CNTNAP3: variants seen among roughly 807,000 people sequenced by gnomAD.
CNTNAP3 encodes the protein contactin associated protein family member 3, also known as contactin-associated protein-like 3.
Under a neutral mutation model 92.1 loss-of-function variants are expected in CNTNAP3, and 36 were observed. The observed-to-expected ratio is 0.39, with a 90% CI of 0.30 to 0.52. CNTNAP3 has a LOEUF of 0.52. Among genes scored for constraint, CNTNAP3 ranks in the 20% least tolerant of loss-of-function variants. CNTNAP3 has a pLI of 0.76. For missense variants in CNTNAP3, 534 were observed against 1,069.6 expected, an observed-to-expected ratio of 0.50 and a Z score of 6.98; for synonymous variants, 232 against 422.3, an observed-to-expected ratio of 0.55 and a Z score of 5.53.
At chr9:39,118,326 C>T in intron 13 of CNTNAP3, 67 bp from the exon 14 acceptor site, 1 of 1,600,768 alleles carries the variant, frequency 6.2e-7, no homozygotes, top group Non-Finnish European at 8.5e-7. Context: ...CCATATAGCT[C>T]CCTTTACTCC....
chr9:39,085,452 A>AC (rs1489986494), intron 21 of CNTNAP3: 1 of 428,524 alleles, frequency 2.3e-6, no homozygotes, highest in African/African-American at 2.1e-5. Context: ...ACAACATTTC[A>AC]CTTTTCAAGA....
At chr9:39,114,713 C>T (rs1444484156) in intron 14 of CNTNAP3, among the ~76,000 whole-genome samples, 1 of 151,996 alleles carries the variant, frequency 6.6e-6, no homozygotes, top group East Asian at 1.9e-4. Flanking sequence ...ATTATTTGTA[C>T]ACTTGTATGC....
intron 10 of CNTNAP3, among the ~76,000 whole-genome samples, chr9:39,149,587 A>G (rs1821790771): frequency 6.6e-6 from 1 of 150,574 alleles, no homozygotes; most frequent in Non-Finnish European, 1.5e-5. Flanking sequence ...TGATCTCCTG[A>G]TCTCGTGATC....
In CNTNAP3 at chr9:39,089,828, T is replaced by A. The variant is rs559883228; in HGVS notation, c.2996-1181A>T. Among the ~76,000 whole-genome samples the A allele has an allele frequency of 2.6e-5, 4 of 152,346 alleles. No homozygotes were observed. In the South Asian group the frequency reaches 6.2e-4, roughly 24 times the overall value. Reference sequence around the variant, plus strand: ...GCTAATGTTGCCAACTATTTTTTCATGATTTTATTGGACATTCACACATAT... The same window carrying A: ...GCTAATGTTGCCAACTATTTTTTCAAGATTTTATTGGACATTCACACATAT... On this transcript the variant is annotated intron_variant, in intron 18 of 23. Transcript: ENST00000297668.
intron 9 of CNTNAP3, among the ~76,000 whole-genome samples, chr9:39,152,130 T>G (rs990880350): frequency 7.4e-6 from 1 of 135,264 alleles, no homozygotes; most frequent in Non-Finnish European, 1.6e-5. Flanking sequence ...TCAATGAAGA[T>G]TCCTCTTACT....
chr9:39,132,990 C>T lies in CNTNAP3; in HGVS notation c.2022G>A (p.Glu674=), dbSNP rs779455681. Residue 674 remains glutamate (E), a synonymous_variant, in exon 13 of 24, where the codon GAG becomes GAA. Transcript: ENST00000297668. ...GCAGAGCCAGCCGCTGCTCGCAGCGCTCCGCCAGGTTCACCGCGGACCGCA... is the reference window on the plus strand; with the variant it reads ...GCAGAGCCAGCCGCTGCTCGCAGCGTTCCGCCAGGTTCACCGCGGACCGCA... ...GQLRSAVNLA[E]RCEQRLALRC... is the part of the protein sequence containing the mutation. 37 of 1,540,912 alleles carry T rather than the reference C, an allele frequency of 2.4e-5. No individual in the cohort carries two copies. Among genetic ancestry groups the T allele is most frequent in the African/African-American group, 4.1e-5 (3 of 72,388 alleles).
intron 14 of CNTNAP3, among the ~76,000 whole-genome samples, chr9:39,109,635 T>C (rs1301153863): frequency 6.6e-6 from 1 of 152,202 alleles, no homozygotes; most frequent in East Asian, 1.9e-4. Flanking sequence ...ACAAGTTTTA[T>C]AAGACATGAA....
At chr9:39,168,012 TTTTG>T (rs1302202678) in intron 8 of CNTNAP3, among the ~76,000 whole-genome samples, 3 of 143,408 alleles carry the variant, frequency 2.1e-5, no homozygotes, top group African/African-American at 8.2e-5. Flanking sequence ...TTGAGTTTTT[TTTTG>T]TTTTTGTTTT....
At chr9:39,099,466 T>C (rs996888957) in intron 18 of CNTNAP3, among the ~76,000 whole-genome samples, 5 of 152,160 alleles carry the variant, frequency 3.3e-5, no homozygotes, top group Admixed American at 2.0e-4. Flanking sequence ...CTTCAAGTCA[T>C]TGTCACAAGG....
intron 11 of CNTNAP3, among the ~76,000 whole-genome samples, chr9:39,143,310 A>T (rs904323148): frequency 1.3e-5 from 2 of 151,824 alleles, no homozygotes; most frequent in African/African-American, 4.8e-5. Context: ...GTTACAAGAG[A>T]CTCGGGGCCC....
chr9:39,143,366 G>A (rs1463015658), intron 11 of CNTNAP3, among the ~76,000 whole-genome samples: 2 of 152,162 alleles, frequency 1.3e-5, no homozygotes, highest in Non-Finnish European at 2.9e-5. Context: ...AGGCCTGAGA[G>A]TCTTTACTTG....
chr9:39,068,243 C>CAAAAAAAAAAAAAAAAAAAAAAA lies in CNTNAP3; in HGVS notation c.*5624_*5646dup, dbSNP rs1198106886. Among the ~76,000 whole-genome samples the CAAAAAAAAAAAAAAAAAAAAAAA allele has an allele frequency of 5.4e-5, 7 of 129,314 alleles. No homozygotes were observed. Among genetic ancestry groups the CAAAAAAAAAAAAAAAAAAAAAAA allele is most frequent in the East Asian group, 2.3e-4 (1 of 4,400 alleles). 84.8% of individuals were successfully genotyped at this position (129,314 alleles called of 152,430 possible). Reference sequence around the variant, plus strand: ...TGAAACCTTGCCTCCACTAAAAATACAAAAAAAAAAAAAAAAAAAAAAATT... The same window carrying CAAAAAAAAAAAAAAAAAAAAAAA: ...TGAAACCTTGCCTCCACTAAAAATACAAAAAAAAAAAAAAAAAAAAAAAAAAAAAAAAAAAAAAAAAAAAAATT... On this transcript the variant is annotated 3_prime_UTR_variant, in exon 24 of 24. Transcript: ENST00000297668.
In CNTNAP3 at chr9:39,065,036, A is replaced by G. The variant is rs1208539075; in HGVS notation, c.*8854T>C. Among the ~76,000 whole-genome samples the G allele has an allele frequency of 2.0e-5, 3 of 152,344 alleles. No homozygotes were observed. The highest frequency in any genetic ancestry group is 7.2e-5 in the African/African-American group (3 of 41,526). ...TATATACAAAATATACAAATTCCAA[A>G]TATGAAATTCAGAGTTTTGACAAAT... On this transcript the variant is annotated 3_prime_UTR_variant, in exon 24 of 24. Coordinates refer to ENST00000297668, the MANE Select transcript of CNTNAP3 (RefSeq NM_033655.5).
At chr9:39,150,003 A>C (rs770632842) in intron 9 of CNTNAP3, 26 bp from the exon 10 acceptor site, 19 of 1,610,472 alleles carry the variant, frequency 1.2e-5, no homozygotes, top group Middle Eastern at 2.3e-4. Context: ...AAAATAGGAC[A>C]AAAGCAACAA....
intron 21 of CNTNAP3, among the ~76,000 whole-genome samples, chr9:39,084,230 G>C (rs553498426): frequency 1.5e-5 from 2 of 134,400 alleles, no homozygotes; most frequent in South Asian, 2.3e-4. Flanking sequence ...ACAGAGTCTC[G>C]CTCTGTCATC....
chr9:39,087,633 C>T (rs1444689820), intron 19 of CNTNAP3, among the ~76,000 whole-genome samples: 1 of 152,076 alleles, frequency 6.6e-6, no homozygotes, highest in African/African-American at 2.4e-5. Context: ...ACTACAGGTG[C>T]CCACCACCAT....
At chr9:39,142,611 G>A (rs1821603623) in intron 11 of CNTNAP3, among the ~76,000 whole-genome samples, 2 of 151,314 alleles carry the variant, frequency 1.3e-5, no homozygotes, top group African/African-American at 2.4e-5. Context: ...GGCAGAACTT[G>A]CAGTGAGCTG....
At chr9:39,109,056 T>C in intron 15 of CNTNAP3, 104 bp downstream of exon 15, 1 of 1,477,900 alleles carries the variant, frequency 6.8e-7, no homozygotes, top group Non-Finnish European at 9.0e-7. Flanking sequence ...CCAGTCCTAG[T>C]ACTGCCACTA....
intron 23 of CNTNAP3, among the ~76,000 whole-genome samples, chr9:39,074,869 C>T (rs1358179563): frequency 2.0e-5 from 3 of 152,252 alleles, no homozygotes; most frequent in African/African-American, 7.2e-5. Flanking sequence ...CCCAGGTTCA[C>T]GCCATTCTCC....
Sources: allele counts gnomAD v4.1 joint callset (sites outside exome capture counted in the v4.1 genomes callset), GRCh38; gene constraint gnomAD v4.1.1; transcripts MANE v1.5; gene names NCBI Gene and HGNC (gene_info 2026-07-23, HGNC 2026-07-21).